VPS35: variants seen among roughly 807,000 people sequenced by gnomAD.
VPS35 encodes the protein VPS35 retromer complex component.
VPS35 carries 21 observed loss-of-function variants against 98.1 expected under a neutral mutation model. That is an observed-to-expected ratio of 0.21 (90% CI 0.15 to 0.31). The LOEUF (loss-of-function observed/expected upper bound fraction) is 0.31, where lower values mean the gene tolerates loss of function less well. VPS35 is among the 10% of genes least tolerant of loss of function. The pLI is 1.00. For missense variants in VPS35, 554 were observed against 950.8 expected, an observed-to-expected ratio of 0.58 and a Z score of 5.49; for synonymous variants, 268 against 318.2, an observed-to-expected ratio of 0.84 and a Z score of 1.68.
In VPS35 at chr16:46,660,778, A is replaced by C. The variant is rs1187017509; in HGVS notation, c.2212-127T>G. On this transcript the variant is annotated intron_variant, in intron 16 of 16. Coordinates refer to ENST00000299138, the MANE Select transcript of VPS35 (RefSeq NM_018206.6). ...TTACCTGAGTAATTATGAAAAAAGAAAGATGGGGATACAATTCCTAGTTTG... is the reference window on the plus strand; with the variant it reads ...TTACCTGAGTAATTATGAAAAAAGACAGATGGGGATACAATTCCTAGTTTG... The C allele has an allele frequency of 2.1e-5, 14 of 659,714 alleles. No homozygotes were observed. In the East Asian group the frequency reaches 4.3e-4, roughly 20 times the overall value. The allele number at this position is 659,714 out of a possible 1,614,324, so 40.9% of individuals were successfully genotyped here.
Position 46,683,544 on chromosome 16 carries a change from A to G in VPS35, c.66T>C (p.Ala22=). The change falls in exon 2 of 17, where the codon GCT becomes GCC. Residue 22 remains alanine (A), a synonymous_variant. Coordinates refer to ENST00000299138, the MANE Select transcript of VPS35 (RefSeq NM_018206.6). ...QEKLLDEAIQ[A]VKVQSFQMKR... ...TCATTTGGAATGACTGGACCTTCAC[A>G]GCCTGTATGGCTTCATCCAAGAGCT... 1 of 1,614,056 alleles carries G rather than the reference A, an allele frequency of 6.2e-7. No individual in the cohort carries two copies. The highest frequency in any genetic ancestry group is 8.5e-7 in the Non-Finnish European group (1 of 1,180,018).
At position 46,661,559 on chromosome 16, in the gene VPS35, A is replaced by G. The variant is rs1965915302; in HGVS notation, c.2211+159T>C. On this transcript the variant is annotated intron_variant, in intron 16 of 16. Transcript: ENST00000299138. This position sits in a 1 kb window ranked among gnomAD's most constrained non-coding sequence, Gnocchi z 4.3. ...AATTATCTTAAACTAGAACATTATGACAAATTAGCCTATTATTTGACATCT... is the reference window on the plus strand; with the variant it reads ...AATTATCTTAAACTAGAACATTATGGCAAATTAGCCTATTATTTGACATCT... 1 of 754,554 alleles carries G rather than the reference A, an allele frequency of 1.3e-6. No individual in the cohort carries two copies. The highest frequency in any genetic ancestry group is 2.1e-6 in the Non-Finnish European group (1 of 474,700). 46.7% of individuals were successfully genotyped at this position (754,554 alleles called of 1,614,324 possible).
chr16:46,688,974 C>T (rs1966373642), intron 1 of VPS35, 157 bp downstream of exon 1: 7 of 1,519,722 alleles, frequency 4.6e-6, no homozygotes, highest in Non-Finnish European at 6.2e-6. Context: ...CGCGGCCTTC[C>T]TCCTGCTGTC....
rs749058909 is a variant in VPS35 at position 46,674,609 on chromosome 16, A to C, written c.966T>G (p.Ile322Met). 7 of 1,612,560 alleles carry C rather than the reference A, an allele frequency of 4.3e-6. No homozygotes were observed. In the South Asian group the frequency reaches 7.7e-5, roughly 18 times the overall value. The part of the protein sequence containing the change: ...REDGPGIPAD[I>M]KLFDIFSQQV... ...GCTGTGAAAATATATCAAAAAGTTT[A>C]ATATCCGCTGGGATTCCAGGTCCAT... Residue 322 changes from isoleucine to methionine, a missense_variant, in exon 9 of 17, where the codon ATT becomes ATG. Around this residue, in one of 5 missense-constraint regions of VPS35, gnomAD observed 254 missense variants for 390.1 expected, o/e 0.65. Transcript: ENST00000299138.
chr16:46,664,646 C>G (rs182864223), intron 13 of VPS35, among the ~76,000 whole-genome samples: 2 of 151,990 alleles, frequency 1.3e-5, no homozygotes, highest in Admixed American at 1.3e-4. Flanking sequence ...CTCAGCCTAC[C>G]GAATAGCTGG....
At chr16:46,665,099 A>G (rs183891972) in intron 13 of VPS35, among the ~76,000 whole-genome samples, 3 of 152,368 alleles carry the variant, frequency 2.0e-5, no homozygotes, top group Middle Eastern at 6.8e-3. Flanking sequence ...GAAGTATTAT[A>G]GTAATTCACA....
chr16:46,689,006 G>C (rs555565705), intron 1 of VPS35, 125 bp downstream of exon 1: 18 of 1,548,146 alleles, frequency 1.2e-5, no homozygotes, highest in African/African-American at 5.5e-5. Context: ...AGGCCAAATC[G>C]GGCTGGTCTT....
In VPS35 at chr16:46,658,127, A is replaced by C. The variant is rs1324427641; in HGVS notation, c.*2345T>G. 3.3e-5 allele frequency: 5 copies of C among 152,464 alleles called. No homozygotes were observed. The highest frequency in any genetic ancestry group is 5.9e-5 in the Non-Finnish European group (4 of 68,040). The allele number at this position is 152,464 out of a possible 1,614,324, so 9.4% of individuals were successfully genotyped here. On this transcript the variant is annotated 3_prime_UTR_variant, in exon 17 of 17. Coordinates refer to ENST00000299138, the MANE Select transcript of VPS35 (RefSeq NM_018206.6). The stretch of plus-strand genomic sequence containing the variant: ...GGCAGCCAAGAGTATAACTTGCTTC[A>C]GCCCATGGGTCTGAGGAGCCTGGGA...
chr16:46,687,096 G>C (rs1024612595), intron 1 of VPS35, among the ~76,000 whole-genome samples: 2 of 152,168 alleles, frequency 1.3e-5, no homozygotes, highest in African/African-American at 4.8e-5. Flanking sequence ...TTATTATTCA[G>C]TTTAGATACA....
At position 46,660,138 on chromosome 16, in the gene VPS35, C is replaced by CA. The variant is rs897842857; in HGVS notation, c.*333dup. ...ATCAACAATGAAGCAAACAAACAAA[C>CA]AAAAAAAAGGAGAGCTTCATTAGTA... is the stretch of plus-strand genomic sequence containing the variant. On this transcript the variant is annotated 3_prime_UTR_variant, in exon 17 of 17. Coordinates refer to ENST00000299138, the MANE Select transcript of VPS35 (RefSeq NM_018206.6). 1.0e-4 allele frequency: 19 copies of CA among 183,392 alleles called. No homozygotes were observed. Among genetic ancestry groups the CA allele is most frequent in the Admixed American group, 1.3e-4 (2 of 14,842 alleles). The allele number at this position is 183,392 out of a possible 1,614,324, so 11.4% of individuals were successfully genotyped here.
chr16:46,677,573 T>G, intron 6 of VPS35, 175 bp from the exon 7 acceptor site: 1 of 609,662 alleles, frequency 1.6e-6, no homozygotes, highest in East Asian at 3.0e-5. Context: ...TCTTGTTCGG[T>G]TGCCCAGGCT....
chr16:46,680,282 T>G (rs553932951), intron 5 of VPS35, among the ~76,000 whole-genome samples: 1 of 152,332 alleles, frequency 6.6e-6, no homozygotes, highest in South Asian at 2.1e-4. Context: ...GTCTATAAAT[T>G]ATAAAAACTG....
At chr16:46,688,820 G>T in intron 1 of VPS35, 1 of 1,376,310 alleles carries the variant, frequency 7.3e-7, no homozygotes, top group Non-Finnish European at 9.4e-7. Context: ...GTAGGCAGGT[G>T]ACCGATTCCA....
At chr16:46,663,821 G>A (rs936608068) in intron 13 of VPS35, among the ~76,000 whole-genome samples, 6 of 138,526 alleles carry the variant, frequency 4.3e-5, no homozygotes, top group Non-Finnish European at 6.1e-5. Flanking sequence ...TCAGACTCCC[G>A]AATAGCTAGG....
In VPS35 at chr16:46,661,802, C is replaced by T; in HGVS notation, c.2127G>A (p.Gln709=). The T allele has an allele frequency of 6.2e-7, 1 of 1,614,122 alleles. No homozygotes were observed. The highest frequency in any genetic ancestry group is 8.5e-7 in the Non-Finnish European group (1 of 1,180,020). The part of the protein sequence containing the change: ...CLKKALKIAN[Q]CMDPSLQVQL... ...GCACTTGTAGAGAGGGGTCCATGCA[C>T]TGATTTGCTATTTTTAGAGCTTTTT... The change falls in exon 16 of 17, where the codon CAG becomes CAA. Residue 709 remains glutamine, a synonymous_variant. Transcript: ENST00000299138. This position sits in a 1 kb window ranked among gnomAD's most constrained non-coding sequence, Gnocchi z 4.3.
intron 2 of VPS35, chr16:46,683,115 C>T (rs1319580618): frequency 5.4e-6 from 1 of 184,170 alleles, no homozygotes; most frequent in Non-Finnish European, 1.2e-5. Context: ...GCATTTAAAT[C>T]CATTCATTCA....
chr16:46,689,054 T>C, intron 1 of VPS35, 77 bp downstream of exon 1: 1 of 1,578,018 alleles, frequency 6.3e-7, no homozygotes, highest in Non-Finnish European at 8.6e-7. Context: ...CTCCACTCGC[T>C]GGAGTGCGGG....
At chr16:46,664,647 G>C (rs1299411283) in intron 13 of VPS35, among the ~76,000 whole-genome samples, 2 of 151,184 alleles carry the variant, frequency 1.3e-5, no homozygotes, top group Non-Finnish European at 2.9e-5. Flanking sequence ...TCAGCCTACC[G>C]AATAGCTGGG....
chr16:46,661,991 T>C lies in VPS35; in HGVS notation c.2068-130A>G. 1 of 1,394,788 alleles carries C rather than the reference T, an allele frequency of 7.2e-7. No individual in the cohort carries two copies. The highest frequency in any genetic ancestry group is 1.3e-5 in the South Asian group (1 of 79,250). 86.4% of individuals were successfully genotyped at this position (1,394,788 alleles called of 1,614,324 possible). The stretch of plus-strand genomic sequence containing the variant: ...TAACAAATTTAAATCCTTTTCATTC[T>C]CCTTCTTCTTGTTTTGAAGTATACA... On this transcript the variant is annotated intron_variant, in intron 15 of 16. Transcript: ENST00000299138. This position sits in a 1 kb window ranked among gnomAD's most constrained non-coding sequence, Gnocchi z 4.3.
Sources: allele counts gnomAD v4.1 joint callset (sites outside exome capture counted in the v4.1 genomes callset), GRCh38; gene constraint gnomAD v4.1.1; regional missense constraint gnomAD v4.1.1; non-coding constraint Gnocchi (gnomAD v3.1); transcripts MANE v1.5; gene names NCBI Gene and HGNC (gene_info 2026-07-23, HGNC 2026-07-21).